The following PCMTD1 variants were observed in gnomAD, a reference collection of about 807,000 sequenced individuals.
PCMTD1 encodes protein-L-isoaspartate (D-aspartate) O-methyltransferase domain containing 1, also known as protein-L-isoaspartate O-methyltransferase domain-containing protein 1.
PCMTD1 carries 12 observed loss-of-function variants against 37.6 expected under a neutral mutation model. The ratio of observed to expected loss-of-function variants is 0.32; its 90% confidence interval spans 0.20 to 0.52. The LOEUF is 0.52. Among genes scored for constraint, PCMTD1 ranks in the 20% least tolerant of loss-of-function variants. The pLI, the probability that PCMTD1 is intolerant of heterozygous loss-of-function variation, is 0.97. For synonymous variants in PCMTD1, 117 were observed against 135.8 expected (o/e 0.86, Z 0.96); for missense variants, 235 against 421.3 (o/e 0.56, Z 3.87).
intron 1 of PCMTD1, among the ~76,000 whole-genome samples, chr8:51,874,371 T>G (rs2038683182): frequency 6.6e-6 from 1 of 151,808 alleles, no homozygotes; most frequent in South Asian, 2.1e-4. Context: ...AACAACTCCT[T>G]CAACATGGAA....
chr8:51,847,566 G>A (rs928985104), intron 2 of PCMTD1, among the ~76,000 whole-genome samples: 3 of 152,084 alleles, frequency 2.0e-5, no homozygotes, highest in African/African-American at 7.2e-5. Context: ...GACGGAGGTT[G>A]CACTGAGCCA....
chr8:51,884,820 T>C (rs933682585), intron 1 of PCMTD1, among the ~76,000 whole-genome samples: 1 of 152,186 alleles, frequency 6.6e-6, no homozygotes, highest in African/African-American at 2.4e-5. Context: ...TTCCATCAAC[T>C]TCTCTGCCAT....
In PCMTD1 at chr8:51,870,907, T is replaced by C. The variant is rs16916917; in HGVS notation, c.-95-9661A>G. 5.7e-3 allele frequency among the ~76,000 whole-genome samples: 874 copies of C among 152,224 alleles called. 8 individuals are homozygous for C. Among genetic ancestry groups the C allele is most frequent in the African/African-American group, 0.02 (832 of 41,510 alleles). ...GGCCGGGGTGAGCATCTGATGTCATTTATTGGTCGTGCAGCCTCAGGCAAA... is the reference window on the plus strand; with the variant it reads ...GGCCGGGGTGAGCATCTGATGTCATCTATTGGTCGTGCAGCCTCAGGCAAA... On this transcript the variant is annotated intron_variant, in intron 1 of 5. Coordinates refer to ENST00000522514, the MANE Select transcript of PCMTD1 (RefSeq NM_052937.4).
intron 1 of PCMTD1, among the ~76,000 whole-genome samples, chr8:51,864,292 G>C (rs547444339): frequency 6.6e-6 from 1 of 152,118 alleles, no homozygotes; most frequent in African/African-American, 2.4e-5. Context: ...GGATGAGATC[G>C]ACTGAAATAC....
intron 2 of PCMTD1, among the ~76,000 whole-genome samples, chr8:51,855,413 G>C (rs1297285890): frequency 6.8e-6 from 1 of 146,860 alleles, no homozygotes; most frequent in Non-Finnish European, 1.5e-5. Context: ...TGCACCTTTA[G>C]TTCTAGCTAC....
chr8:51,893,450 T>C (rs1563366513), intron 1 of PCMTD1, among the ~76,000 whole-genome samples: 4 of 152,176 alleles, frequency 2.6e-5, no homozygotes, highest in Non-Finnish European at 5.9e-5. Flanking sequence ...TGGAGCTTCC[T>C]GATATCACCA....
chr8:51,876,743 TTGA>T lies in PCMTD1; in HGVS notation c.-95-15500_-95-15498del, dbSNP rs1273891724. 3.9e-5 allele frequency among the ~76,000 whole-genome samples: 6 copies of T among 152,124 alleles called. 1 individual carries two copies. The highest frequency in any genetic ancestry group is 1.3e-4 in the Admixed American group (2 of 15,276). ...ACATTTTGGGAATCTAAACAAGAGA[TTGA>T]TGATAATAGTCATAAAATAAAATGA... On this transcript the variant is annotated intron_variant, in intron 1 of 5. Transcript: ENST00000522514.
At chr8:51,856,828 G>A (rs999967518) in intron 2 of PCMTD1, among the ~76,000 whole-genome samples, 1 of 152,204 alleles carries the variant, frequency 6.6e-6, no homozygotes, top group Non-Finnish European at 1.5e-5. Context: ...CAGAAAGTAG[G>A]TAACTGGTTG....
intron 1 of PCMTD1, among the ~76,000 whole-genome samples, chr8:51,889,115 C>T (rs907903245): frequency 3.9e-5 from 6 of 152,132 alleles, no homozygotes; most frequent in African/African-American, 1.4e-4. Flanking sequence ...ATTGTTAACT[C>T]CTCACTCACT....
intron 2 of PCMTD1, among the ~76,000 whole-genome samples, chr8:51,853,799 G>A (rs138982621): frequency 1.3e-5 from 2 of 152,182 alleles, no homozygotes; most frequent in East Asian, 3.9e-4. Context: ...GGGAGCTTGT[G>A]ACATGCCTTT....
chr8:51,894,912 C>T (rs1011137358), intron 1 of PCMTD1, among the ~76,000 whole-genome samples: 9 of 152,010 alleles, frequency 5.9e-5, no homozygotes, highest in Non-Finnish European at 1.2e-4. Context: ...AAGAATCAGG[C>T]TTGCAAAAAA....
intron 1 of PCMTD1, among the ~76,000 whole-genome samples, chr8:51,864,680 A>G (rs1563353157): frequency 6.6e-6 from 1 of 152,194 alleles, no homozygotes; most frequent in Non-Finnish European, 1.5e-5. Flanking sequence ...AAATGGAAAC[A>G]TAACATACCA....
At chr8:51,858,003 ATAAAT>A (rs146892581) in intron 2 of PCMTD1, among the ~76,000 whole-genome samples, 17,790 of 152,064 alleles carry the variant, frequency 0.12, 1,263 homozygotes, top group East Asian at 0.17. Flanking sequence ...AAATAAATGA[ATAAAT>A]TAATAATAAT....
At chr8:51,860,776 C>T in intron 2 of PCMTD1, 69 bp downstream of exon 2, 8 of 1,305,692 alleles carry the variant, frequency 6.1e-6, no homozygotes, top group Admixed American at 2.5e-5. Flanking sequence ...GTTACAACTC[C>T]TATAAATCAT....
chr8:51,866,015 A>G (rs1289359784), intron 1 of PCMTD1, among the ~76,000 whole-genome samples: 1 of 151,946 alleles, frequency 6.6e-6, no homozygotes, highest in Non-Finnish European at 1.5e-5. Context: ...TCTTTACACT[A>G]ACAACAAATG....
rs1218401051 is a variant in PCMTD1, at chr8:51,817,724, T to C, written c.*2627A>G. 7.8e-6 allele frequency: 3 copies of C among 384,312 alleles called. No homozygotes were observed. Among genetic ancestry groups the C allele is most frequent in the Non-Finnish European group, 5.1e-6 (1 of 196,398 alleles). 23.8% of individuals were successfully genotyped at this position (384,312 alleles called of 1,614,324 possible). On this transcript the variant is annotated 3_prime_UTR_variant, in exon 6 of 6. Coordinates refer to ENST00000522514, the MANE Select transcript of PCMTD1 (RefSeq NM_052937.4). Reference sequence around the variant, plus strand: ...TATTTTACTACTATGTATGCTATTTTAATAACATTTTTCTTTATTAATACT... The same window carrying C: ...TATTTTACTACTATGTATGCTATTTCAATAACATTTTTCTTTATTAATACT...
At chr8:51,829,074 ATTTTCTGAATTACGAAAGG>A (rs2037963012) in intron 5 of PCMTD1, among the ~76,000 whole-genome samples, 1 of 152,194 alleles carries the variant, frequency 6.6e-6, no homozygotes, top group Non-Finnish European at 1.5e-5. Context: ...GGTTGCTAAC[ATTTTCTGAATTACGAAAGG>A]TTGAAAATTT....
intron 1 of PCMTD1, among the ~76,000 whole-genome samples, chr8:51,865,246 A>G (rs2038533632): frequency 6.6e-6 from 1 of 152,132 alleles, no homozygotes; most frequent in African/African-American, 2.4e-5. Flanking sequence ...ATTACGCCAA[A>G]CATTTAAAGA....
At chr8:51,838,914 T>C (rs2038105533) in intron 3 of PCMTD1, among the ~76,000 whole-genome samples, 1 of 152,050 alleles carries the variant, frequency 6.6e-6, no homozygotes, top group Non-Finnish European at 1.5e-5. Flanking sequence ...ACACAATAAA[T>C]GAAATCTGAG....
Sources: allele counts gnomAD v4.1 joint callset (sites outside exome capture counted in the v4.1 genomes callset), GRCh38; gene constraint gnomAD v4.1.1; transcripts MANE v1.5; gene names NCBI Gene and HGNC (gene_info 2026-07-23, HGNC 2026-07-21).